CLSTN2: variants seen among roughly 807,000 people sequenced by gnomAD.
The protein encoded by CLSTN2 is calsyntenin 2.
Under a neutral mutation model 101.2 loss-of-function variants are expected in CLSTN2, and 48 were observed. The observed-to-expected ratio is 0.47, with a 90% CI of 0.38 to 0.60. The LOEUF is 0.60. CLSTN2 is among the 20% of genes least tolerant of loss of function. The probability of loss-of-function intolerance (pLI) is 0.00; values close to 1 mark genes in which losing one functional copy is unlikely to be tolerated. For missense variants in CLSTN2, 1,160 were observed against 1,238.2 expected (o/e 0.94, Z 0.95); for synonymous variants, 481 against 463.6 (o/e 1.04, Z -0.48).
intron 6 of CLSTN2, among the ~76,000 whole-genome samples, chr3:140,452,106 G>T (rs897688324): frequency 1.3e-5 from 2 of 152,150 alleles, no homozygotes; most frequent in African/African-American, 4.8e-5. Flanking sequence ...CTGCCAACCA[G>T]AGCCAGGTAT....
chr3:140,274,585 T>C (rs981021160), intron 2 of CLSTN2, among the ~76,000 whole-genome samples: 6 of 152,132 alleles, frequency 3.9e-5, no homozygotes, highest in African/African-American at 1.4e-4. Context: ...GGGCAGGTCA[T>C]CAGGCATGTT....
At chr3:140,476,765 T>G (rs1257346414) in intron 8 of CLSTN2, among the ~76,000 whole-genome samples, 1 of 151,802 alleles carries the variant, frequency 6.6e-6, no homozygotes. Flanking sequence ...TTCACACCAT[T>G]CTCCTGCCTT....
chr3:140,265,470 C>T (rs1011391906), intron 2 of CLSTN2, among the ~76,000 whole-genome samples: 1 of 152,108 alleles, frequency 6.6e-6, no homozygotes, highest in African/African-American at 2.4e-5. Context: ...AGTTCTAAAC[C>T]ACAGCTGTAC....
chr3:140,004,546 T>C (rs1433678057), intron 1 of CLSTN2, among the ~76,000 whole-genome samples: 7 of 152,200 alleles, frequency 4.6e-5, no homozygotes, highest in African/African-American at 1.7e-4. Context: ...TTAGAGAGCC[T>C]CTCTGATGCT....
At chr3:140,161,851 G>A (rs2010052257) in intron 1 of CLSTN2, among the ~76,000 whole-genome samples, 1 of 152,246 alleles carries the variant, frequency 6.6e-6, no homozygotes, top group Non-Finnish European at 1.5e-5. Flanking sequence ...AACCCAAAGA[G>A]CTTTCGTTTT....
intron 1 of CLSTN2, among the ~76,000 whole-genome samples, chr3:140,095,290 G>T (rs2008851040): frequency 6.6e-6 from 1 of 152,158 alleles, no homozygotes; most frequent in Non-Finnish European, 1.5e-5. Context: ...TTCTTCAGGA[G>T]CTACTGTCGT....
At chr3:140,497,099 T>TAAAA (rs1934482187) in intron 8 of CLSTN2, among the ~76,000 whole-genome samples, 2 of 85,260 alleles carry the variant, frequency 2.3e-5, no homozygotes, top group Admixed American at 1.5e-4. Flanking sequence ...AGACTCCGTC[T>TAAAA]CAAAAAAAAA....
At chr3:140,174,127 C>T (rs1401997275) in intron 1 of CLSTN2, among the ~76,000 whole-genome samples, 1 of 152,148 alleles carries the variant, frequency 6.6e-6, no homozygotes, top group Non-Finnish European at 1.5e-5. Flanking sequence ...TTTAACAGCA[C>T]CCAAGTCATC....
At chr3:140,178,132 GC>G (rs1351200565) in intron 2 of CLSTN2, among the ~76,000 whole-genome samples, 1 of 152,152 alleles carries the variant, frequency 6.6e-6, no homozygotes, top group Non-Finnish European at 1.5e-5. Flanking sequence ...TTGTATGTCT[GC>G]CTTTAATGTC....
At chr3:140,193,261 G>GTTTTTTTTTTTTTTTTTTT (rs367933711) in intron 2 of CLSTN2, among the ~76,000 whole-genome samples, 4 of 87,442 alleles carry the variant, frequency 4.6e-5, no homozygotes, top group Non-Finnish European at 6.9e-5. Context: ...CTTTTTTATA[G>GTTTTTTTTTTTTTTTTTTT]TTTTTTTTTT....
chr3:139,960,970 C>T (rs769877953), intron 1 of CLSTN2, among the ~76,000 whole-genome samples: 7 of 152,124 alleles, frequency 4.6e-5, no homozygotes, highest in Non-Finnish European at 1.0e-4. Context: ...AAATGAATAG[C>T]CATCCCTTTG....
chr3:139,993,285 C>T (rs1006042005), intron 1 of CLSTN2, among the ~76,000 whole-genome samples: 5 of 152,172 alleles, frequency 3.3e-5, no homozygotes, highest in African/African-American at 1.2e-4. Context: ...CTTCTACCTG[C>T]AGAGGTTCTA....
chr3:140,024,046 C>T (rs956081350), intron 1 of CLSTN2, among the ~76,000 whole-genome samples: 6 of 152,162 alleles, frequency 3.9e-5, no homozygotes, highest in Admixed American at 2.6e-4. Context: ...TGGGTGTGAA[C>T]CCCGGCTCTG....
At chr3:140,003,651 A>G (rs1015240049) in intron 1 of CLSTN2, among the ~76,000 whole-genome samples, 1 of 152,106 alleles carries the variant, frequency 6.6e-6, no homozygotes, top group South Asian at 2.1e-4. Context: ...TCAGTATGAT[A>G]CTAGCTGTGG....
chr3:140,045,797 G>A (rs562506844), intron 1 of CLSTN2, among the ~76,000 whole-genome samples: 1 of 152,238 alleles, frequency 6.6e-6, no homozygotes, highest in African/African-American at 2.4e-5. Context: ...TTCAAGAGCA[G>A]GTTGTTCAGT....
chr3:140,313,999 T>C (rs2087202548), intron 2 of CLSTN2, among the ~76,000 whole-genome samples: 1 of 152,134 alleles, frequency 6.6e-6, no homozygotes, highest in Non-Finnish European at 1.5e-5. Context: ...TAGTATACAG[T>C]GGTTCAAGGA....
chr3:139,993,077 G>A (rs924408978), intron 1 of CLSTN2, among the ~76,000 whole-genome samples: 2 of 152,096 alleles, frequency 1.3e-5, no homozygotes, highest in Non-Finnish European at 2.9e-5. Context: ...TCTTAATTGT[G>A]CCTCAATTTC....
chr3:140,364,367 G>T (rs80332356), intron 2 of CLSTN2, among the ~76,000 whole-genome samples: 3,561 of 152,200 alleles, frequency 0.023, 127 homozygotes, highest in African/African-American at 0.079. Flanking sequence ...AAGAACACGA[G>T]TTTGAGAAAC....
chr3:140,153,038 G>T (rs564125306), intron 1 of CLSTN2, among the ~76,000 whole-genome samples: 1 of 152,336 alleles, frequency 6.6e-6, no homozygotes, highest in South Asian at 2.1e-4. Context: ...TGGTGTCACA[G>T]GTTGGTGTGC....
Sources: allele counts gnomAD v4.1 joint callset (sites outside exome capture counted in the v4.1 genomes callset), GRCh38; gene constraint gnomAD v4.1.1; transcripts MANE v1.5; gene names NCBI Gene and HGNC (gene_info 2026-07-23, HGNC 2026-07-21).